The following INCENP variants were observed in gnomAD, a reference collection of about 807,000 sequenced individuals.
INCENP encodes the protein binds and activates aurora-B and -C in vivo and in vitro.
INCENP carries 43 observed loss-of-function variants against 107.3 expected under a neutral mutation model. The observed-to-expected ratio is 0.40, with a 90% CI of 0.31 to 0.52. The LOEUF is 0.52. Among genes scored for constraint, INCENP ranks in the 20% least tolerant of loss-of-function variants. INCENP has a pLI of 0.53. For synonymous variants in INCENP, 488 were observed against 494.4 expected (o/e 0.99, Z 0.17); for missense variants, 1,089 against 1,250.9 (o/e 0.87, Z 1.95).
intron 15 of INCENP, among the ~76,000 whole-genome samples, chr11:62,148,026 T>C (rs1258039509): frequency 6.6e-6 from 1 of 152,146 alleles, no homozygotes; most frequent in Non-Finnish European, 1.5e-5. Context: ...TTAAATGACA[T>C]GTTCAAAGTC....
At chr11:62,142,333 G>A (rs1038023803) in intron 11 of INCENP, among the ~76,000 whole-genome samples, 5 of 152,254 alleles carry the variant, frequency 3.3e-5, no homozygotes, top group Middle Eastern at 3.2e-3. Context: ...TGGCTTCTCC[G>A]CATGGAGGCC....
chr11:62,145,201 A>G lies in INCENP; in HGVS notation c.1748A>G (p.Gln583Arg), dbSNP rs768907485. Residue 583 changes from glutamine to arginine, a missense_variant, in exon 13 of 19, where the codon CAG (glutamine) becomes CGG (arginine). Transcript: ENST00000394818. ...KREERLRKVL[Q>R]ARERVEQMKE... ...GAGGAACGCCTCCGCAAGGTGCTGC[A>G]GGCCCGCGAGCGGGTGGAGCAGATG... 3.1e-6 allele frequency: 5 copies of G among 1,614,152 alleles called. No homozygotes were observed. The East Asian group carries it at 6.7e-5, about 22-fold the overall frequency.
chr11:62,133,267 C>T (rs960944584), intron 4 of INCENP, among the ~76,000 whole-genome samples: 3 of 151,826 alleles, frequency 2.0e-5, no homozygotes, highest in Admixed American at 1.3e-4. Context: ...AAATTAAATT[C>T]GGGATGGGAA....
chr11:62,128,416 AG>A, intron 2 of INCENP, 115 bp downstream of exon 2: 2 of 1,138,710 alleles, frequency 1.8e-6, no homozygotes, highest in Non-Finnish European at 2.6e-6. Flanking sequence ...ACAGCCTGTC[AG>A]GGCTCCCTGC....
intron 4 of INCENP, among the ~76,000 whole-genome samples, chr11:62,131,573 G>A (rs560862028): frequency 6.6e-6 from 1 of 152,276 alleles, no homozygotes; most frequent in East Asian, 1.9e-4. Context: ...CAGCTTGTAC[G>A]AAGACCCTGA....
intron 6 of INCENP, 33 bp downstream of exon 6, chr11:62,138,803 C>T (rs1944047205): frequency 6.2e-7 from 1 of 1,611,102 alleles, no homozygotes. Flanking sequence ...GGAGGACTCA[C>T]CTCTGGGGCT....
chr11:62,124,772 G>A (rs1943714622), intron 1 of INCENP, among the ~76,000 whole-genome samples: 1 of 152,204 alleles, frequency 6.6e-6, no homozygotes, highest in Admixed American at 6.5e-5. Context: ...TATAGCCCGT[G>A]GTTAAGGGCA....
At chr11:62,125,037 G>A (rs949689683) in intron 1 of INCENP, among the ~76,000 whole-genome samples, 1 of 152,246 alleles carries the variant, frequency 6.6e-6, no homozygotes, top group African/African-American at 2.4e-5. Flanking sequence ...CTTCAGTCTG[G>A]TGTATGGTGT....
chr11:62,125,241 T>C (rs986283912), intron 1 of INCENP, among the ~76,000 whole-genome samples: 1 of 152,244 alleles, frequency 6.6e-6, no homozygotes, highest in African/African-American at 2.4e-5. Flanking sequence ...TAACCCTTTT[T>C]AAATCGTTGC....
At chr11:62,133,505 C>T (rs1943932202) in intron 4 of INCENP, among the ~76,000 whole-genome samples, 1 of 152,212 alleles carries the variant, frequency 6.6e-6, no homozygotes, top group African/African-American at 2.4e-5. Flanking sequence ...CTCAGGACTC[C>T]ACCTTGGGGC....
chr11:62,130,574 C>G lies in INCENP; in HGVS notation c.1047C>G (p.Ala349=). Residue 349 remains alanine, a synonymous_variant, in exon 4 of 19, where the codon GCC becomes GCG. Transcript: ENST00000394818. ...LAKKTAEEPA[A]SGRIICHSYL... ...AGAAGACTGCCGAAGAGCCAGCTGCCTCTGGCCGCATCATCTGTGAGTCTG... is the reference window on the plus strand; with the variant it reads ...AGAAGACTGCCGAAGAGCCAGCTGCGTCTGGCCGCATCATCTGTGAGTCTG... 6.2e-7 allele frequency: 1 copy of G among 1,612,168 alleles called. No homozygotes were observed. Among genetic ancestry groups the G allele is most frequent in the African/African-American group, 1.3e-5 (1 of 75,062 alleles).
intron 11 of INCENP, among the ~76,000 whole-genome samples, chr11:62,142,041 C>T (rs1944136348): frequency 6.6e-6 from 1 of 152,168 alleles, no homozygotes; most frequent in Non-Finnish European, 1.5e-5. Context: ...AGAAACAAGT[C>T]GCAGAAGCTG....
At chr11:62,134,402 T>TACAAA (rs1767853465) in intron 4 of INCENP, among the ~76,000 whole-genome samples, 1 of 128,450 alleles carries the variant, frequency 7.8e-6, no homozygotes, top group Non-Finnish European at 1.6e-5. Flanking sequence ...GAGACTCTGT[T>TACAAA]AAAAAAAAAA....
At position 62,140,975 on chromosome 11, in the gene INCENP, G is replaced by A. The variant is rs374292184; in HGVS notation, c.1524G>A (p.Pro508=). Residue 508 remains proline (P), a synonymous_variant, in exon 10 of 19, where the codon CCG becomes CCA. Coordinates refer to ENST00000394818, the MANE Select transcript of INCENP (RefSeq NM_001040694.2). ...TVQRNQMLMT[P]TSAPRSVMKS... is the part of the protein sequence containing the mutation. ...AGAGGAACCAGATGCTCATGACCCC[G>A]ACCTCAGCCCCACGCAGCGTCATGA... is the stretch of plus-strand genomic sequence containing the variant. 1.1e-5 allele frequency: 17 copies of A among 1,614,168 alleles called. No homozygotes were observed. Among genetic ancestry groups the A allele is most frequent in the African/African-American group, 2.7e-5 (2 of 75,032 alleles).
chr11:62,146,991 T>A (rs2926523), intron 15 of INCENP, 89 bp downstream of exon 15: 17 of 1,544,356 alleles, frequency 1.1e-5, no homozygotes, highest in Non-Finnish European at 1.2e-5. Flanking sequence ...CCCACCTGCA[T>A]GTGACGGTTT....
chr11:62,143,096 G>T (rs1381377798), intron 11 of INCENP, among the ~76,000 whole-genome samples: 2 of 152,326 alleles, frequency 1.3e-5, no homozygotes, highest in African/African-American at 4.8e-5. Flanking sequence ...TTTTGACTTG[G>T]CAGCTTTCTC....
intron 11 of INCENP, 68 bp downstream of exon 11, chr11:62,141,579 T>C: frequency 6.3e-7 from 1 of 1,583,734 alleles, no homozygotes; most frequent in African/African-American, 1.3e-5. Context: ...GCCCCTTCCC[T>C]GCGTAGCTGA....
intron 1 of INCENP, among the ~76,000 whole-genome samples, chr11:62,124,809 C>T (rs1300509831): frequency 6.6e-6 from 1 of 152,226 alleles, no homozygotes; most frequent in Non-Finnish European, 1.5e-5. Flanking sequence ...CCTGATTTAC[C>T]GGCTGATTTT....
At chr11:62,137,783 C>A (rs780609935) in intron 4 of INCENP, 49 bp from the exon 5 acceptor site, 1 of 1,570,926 alleles carries the variant, frequency 6.4e-7, no homozygotes, top group South Asian at 1.1e-5. Flanking sequence ...TAGAGTGGGA[C>A]CTGTGTGGTC....
Sources: gnomAD v4.1 joint callset for allele counts (sites outside exome capture counted in the v4.1 genomes callset) on GRCh38, gnomAD v4.1.1 for gene constraint, MANE v1.5 for transcripts, NCBI Gene and HGNC (gene_info 2026-07-23, HGNC 2026-07-21) for gene names.